Variants in SNX25 observed in about 807,000 individuals in gnomAD.
SNX25 encodes sorting nexin 25.
In SNX25, 62 loss-of-function variants were observed where a neutral mutation model predicts 113.7. The observed-to-expected ratio is 0.55, with a 90% CI of 0.44 to 0.67. SNX25 has a LOEUF of 0.67. SNX25 is among the 30% of genes least tolerant of loss of function. The probability of loss-of-function intolerance (pLI) is 0.00; values close to 1 mark genes in which losing one functional copy is unlikely to be tolerated. For missense variants in SNX25, 1,014 were observed against 1,161.0 expected (o/e 0.87, Z 1.84); for synonymous variants, 421 against 436.2 (o/e 0.97, Z 0.43).
intron 6 of SNX25, among the ~76,000 whole-genome samples, chr4:185,296,992 G>C (rs969956636): frequency 6.6e-6 from 1 of 152,082 alleles, no homozygotes; most frequent in Admixed American, 6.6e-5. Context: ...ATTGTTGACT[G>C]CTCAGTCTTC....
At chr4:185,236,014 T>C (rs1003229179) in intron 1 of SNX25, among the ~76,000 whole-genome samples, 1 of 152,200 alleles carries the variant, frequency 6.6e-6, no homozygotes, top group African/African-American at 2.4e-5. Flanking sequence ...TAATTAACAT[T>C]GTTGTCCCCC....
intron 1 of SNX25, among the ~76,000 whole-genome samples, chr4:185,221,511 G>C (rs1739851547): frequency 6.6e-6 from 1 of 151,862 alleles, no homozygotes; most frequent in African/African-American, 2.4e-5. Flanking sequence ...AGTCTTTCCT[G>C]CTTGGTCTTA....
intron 11 of SNX25, 25 bp downstream of exon 11, chr4:185,339,535 A>T: frequency 1.3e-6 from 2 of 1,589,508 alleles, no homozygotes; most frequent in Non-Finnish European, 1.7e-6. Context: ...TTTTCCTCTT[A>T]ATTTATTTTA....
At chr4:185,231,707 T>C in intron 1 of SNX25, among the ~76,000 whole-genome samples, 1 of 85,210 alleles carries the variant, frequency 1.2e-5, no homozygotes, top group East Asian at 4.3e-4. Flanking sequence ...TGGGACTCCA[T>C]CTTCAAAAAA....
At chr4:185,226,476 G>T (rs1228542535) in intron 1 of SNX25, among the ~76,000 whole-genome samples, 3 of 152,132 alleles carry the variant, frequency 2.0e-5, no homozygotes, top group Non-Finnish European at 4.4e-5. Flanking sequence ...TTTGAGACAG[G>T]GTCTCACTGT....
At chr4:185,229,102 C>G (rs140527729) in intron 1 of SNX25, among the ~76,000 whole-genome samples, 1 of 152,052 alleles carries the variant, frequency 6.6e-6, no homozygotes, top group Admixed American at 6.5e-5. Context: ...GCAACGCCCG[C>G]GGTGTGGTTG....
chr4:185,285,647 G>T (rs1331172513), intron 5 of SNX25, among the ~76,000 whole-genome samples: 2 of 152,216 alleles, frequency 1.3e-5, no homozygotes, highest in Non-Finnish European at 2.9e-5. Flanking sequence ...AATGAGGCAG[G>T]TGTTTATTTT....
chr4:185,288,617 G>GA (rs1378816762), intron 6 of SNX25, among the ~76,000 whole-genome samples: 1 of 116,300 alleles, frequency 8.6e-6, no homozygotes, highest in Non-Finnish European at 1.7e-5. Flanking sequence ...GGGGGGTGGG[G>GA]GGGTGGTGTA....
chr4:185,216,553 CT>C (rs1738871849), intron 1 of SNX25, among the ~76,000 whole-genome samples: 1 of 112,998 alleles, frequency 8.8e-6, no homozygotes, highest in Non-Finnish European at 1.7e-5. Flanking sequence ...GAGTGTTGCT[CT>C]TGTTGCCCAG....
At chr4:185,277,165 C>T (rs1360905597) in intron 5 of SNX25, among the ~76,000 whole-genome samples, 1 of 152,188 alleles carries the variant, frequency 6.6e-6, no homozygotes, top group Non-Finnish European at 1.5e-5. Context: ...GCTGGGATTA[C>T]AGGCGTGTGC....
At chr4:185,350,729 G>T (rs1202041061) in intron 13 of SNX25, among the ~76,000 whole-genome samples, 2 of 152,172 alleles carry the variant, frequency 1.3e-5, no homozygotes, top group Non-Finnish European at 2.9e-5. Context: ...AGTCATGATG[G>T]TGTGCACCTG....
intron 1 of SNX25, among the ~76,000 whole-genome samples, chr4:185,239,263 CTT>C (rs66522023): frequency 0.61 from 91,663 of 150,932 alleles, 27,875 homozygotes; most frequent in East Asian, 0.7. Flanking sequence ...GGGCAGATCA[CTT>C]GAGGTCAGGA....
intron 15 of SNX25, among the ~76,000 whole-genome samples, chr4:185,354,941 C>T (rs2095332675): frequency 6.6e-6 from 1 of 152,216 alleles, no homozygotes; most frequent in Non-Finnish European, 1.5e-5. Context: ...CCAAATAGTG[C>T]AGCGTCCATG....
At chr4:185,360,502 T>A (rs186866222) in intron 16 of SNX25, among the ~76,000 whole-genome samples, 4 of 152,316 alleles carry the variant, frequency 2.6e-5, no homozygotes, top group Admixed American at 2.0e-4. Flanking sequence ...AATTTGAAAT[T>A]TGAGGTCTTT....
chr4:185,255,165 G>A (rs1415455281), intron 2 of SNX25, among the ~76,000 whole-genome samples: 6 of 151,342 alleles, frequency 4.0e-5, no homozygotes, highest in Non-Finnish European at 7.4e-5. Flanking sequence ...ACAGAGTCTC[G>A]CTCTGTCGCC....
chr4:185,244,901 AC>A (rs1744612356), intron 1 of SNX25, among the ~76,000 whole-genome samples: 1 of 152,100 alleles, frequency 6.6e-6, no homozygotes, highest in Admixed American at 6.6e-5. Flanking sequence ...AACAGGGATG[AC>A]ATCCTTGGCA....
At chr4:185,327,949 T>A (rs1235310003) in intron 9 of SNX25, among the ~76,000 whole-genome samples, 1 of 152,224 alleles carries the variant, frequency 6.6e-6, no homozygotes, top group Non-Finnish European at 1.5e-5. Context: ...AACAAAAATG[T>A]ATGCTGGCAG....
At chr4:185,282,975 G>A (rs1382012798) in intron 5 of SNX25, among the ~76,000 whole-genome samples, 5 of 152,120 alleles carry the variant, frequency 3.3e-5, no homozygotes, top group Non-Finnish European at 7.4e-5. Context: ...TGTATATATT[G>A]TATAGTTTTG....
chr4:185,339,285 T>C, intron 10 of SNX25, 94 bp from the exon 11 acceptor site: 1 of 1,185,378 alleles, frequency 8.4e-7, no homozygotes, highest in Non-Finnish European at 1.2e-6. Flanking sequence ...GAAACACAGC[T>C]GATTATTGTG....
Sources: gnomAD v4.1 joint callset for allele counts (sites outside exome capture counted in the v4.1 genomes callset) on GRCh38, gnomAD v4.1.1 for gene constraint, MANE v1.5 for transcripts, NCBI Gene and HGNC (gene_info 2026-07-23, HGNC 2026-07-21) for gene names.